The following TENM3 variants were observed in gnomAD, a reference collection of about 807,000 sequenced individuals.
TENM3 encodes teneurin transmembrane protein 3.
A neutral mutation model predicts 255.1 loss-of-function variants in TENM3; 63 were observed. The ratio of observed to expected loss-of-function variants is 0.25; its 90% CI spans 0.20 to 0.30. TENM3 has a LOEUF of 0.30. TENM3 is among the 10% of genes least tolerant of loss of function. The probability of loss-of-function intolerance (pLI) is 1.00; values close to 1 mark genes in which losing one functional copy is unlikely to be tolerated. For missense variants in TENM3, 2,929 were observed against 3,461.1 expected (o/e 0.85, Z 3.86); for synonymous variants, 1,306 against 1,322.3 (o/e 0.99, Z 0.27).
the TENM3 span, among the ~76,000 whole-genome samples, chr4:181,852,313 G>A: frequency 1.2e-4 from 19 of 152,162 alleles, no homozygotes; most frequent in Non-Finnish European, 2.5e-4. Context: ...CTTTTCCTTC[G>A]TTTATTATTC....
intron 3 of TENM3, among the ~76,000 whole-genome samples, chr4:182,416,053 C>G (rs951079244): frequency 6.6e-6 from 1 of 152,116 alleles, no homozygotes; most frequent in Admixed American, 6.6e-5. Flanking sequence ...TAGAAAGCAC[C>G]TGGAGCCTAT....
intron 3 of TENM3, among the ~76,000 whole-genome samples, chr4:182,463,253 GA>G (rs1176768454): frequency 1.0e-4 from 15 of 147,334 alleles, no homozygotes; most frequent in East Asian, 3.9e-4. Flanking sequence ...CAACTTAAAA[GA>G]AAAAAAAAAC....
the TENM3 span, among the ~76,000 whole-genome samples, chr4:181,913,193 T>G: frequency 6.6e-6 from 1 of 152,256 alleles, no homozygotes; most frequent in East Asian, 1.9e-4. Context: ...ATGAGCCATG[T>G]GCACTAACGC....
chr4:181,596,329 C>A, the TENM3 span, among the ~76,000 whole-genome samples: 1 of 152,134 alleles, frequency 6.6e-6, no homozygotes, highest in Non-Finnish European at 1.5e-5. Context: ...CACAAGCTTG[C>A]ACGGTTTGTT....
intron 4 of TENM3, among the ~76,000 whole-genome samples, chr4:182,620,754 G>T (rs1413544761): frequency 5.3e-5 from 8 of 152,096 alleles, no homozygotes. Context: ...TTTGAGACAG[G>T]GTCTTGCTCT....
intron 1 of TENM3, among the ~76,000 whole-genome samples, chr4:182,254,802 A>G (rs1758268424): frequency 6.6e-6 from 1 of 152,308 alleles, no homozygotes; most frequent in South Asian, 2.1e-4. Flanking sequence ...TGAAAACAAT[A>G]CAATCAACAG....
chr4:181,950,334 A>AAAG, the TENM3 span, among the ~76,000 whole-genome samples: 1 of 151,698 alleles, frequency 6.6e-6, no homozygotes, highest in Non-Finnish European at 1.5e-5. Context: ...TTTCGGACTC[A>AAAG]GCCCGCCTGC....
intron 3 of TENM3, among the ~76,000 whole-genome samples, chr4:182,536,928 C>G (rs1483282384): frequency 6.6e-6 from 1 of 151,688 alleles, no homozygotes; most frequent in Non-Finnish European, 1.5e-5. Context: ...CTTTTTTTTC[C>G]CTTGTTTGCT....
intron 5 of TENM3, among the ~76,000 whole-genome samples, chr4:182,640,178 A>G (rs1212200358): frequency 3.3e-5 from 5 of 152,236 alleles, no homozygotes; most frequent in African/African-American, 1.2e-4. Context: ...AATTTCCTTT[A>G]GAAATAAATG....
chr4:181,950,426 A>T, the TENM3 span, among the ~76,000 whole-genome samples: 1 of 152,074 alleles, frequency 6.6e-6, no homozygotes, highest in African/African-American at 2.4e-5. Context: ...GAAACTTTTC[A>T]CTTCCTGTAT....
chr4:181,468,010 A>G, the TENM3 span, among the ~76,000 whole-genome samples: 1 of 151,992 alleles, frequency 6.6e-6, no homozygotes, highest in African/African-American at 2.4e-5. Context: ...AAAATAAGAA[A>G]AAAGGCCTGG....
chr4:182,189,049 T>C (rs1300834042), intron 1 of TENM3, among the ~76,000 whole-genome samples: 1 of 152,166 alleles, frequency 6.6e-6, no homozygotes, highest in Admixed American at 6.5e-5. Context: ...AGTAAATAAG[T>C]AAATGGAAAT....
At position 182,730,269 on chromosome 4, in the gene TENM3, G is replaced by A. The variant is rs750637583; in HGVS notation, c.2655G>A (p.Ser885=). The A allele has an allele frequency of 1.2e-5, 20 of 1,613,766 alleles. No homozygotes were observed. Among genetic ancestry groups the A allele is most frequent in the East Asian group, 2.2e-5 (1 of 44,864 alleles). Reference sequence around the variant, plus strand: ...CTCCACTTATTGGAGTAAATGTCTCGTTTTTCCATTACCCAGAATATGGAT... The same window carrying A: ...CTCCACTTATTGGAGTAAATGTCTCATTTTTCCATTACCCAGAATATGGAT... ...DGTPLIGVNV[S]FFHYPEYGYT... Residue 885 remains serine, a synonymous_variant, in exon 15 of 28, where the codon TCG becomes TCA. Coordinates refer to ENST00000511685, the MANE Select transcript of TENM3 (RefSeq NM_001080477.4).
At chr4:182,471,842 G>A (rs566849376) in intron 3 of TENM3, among the ~76,000 whole-genome samples, 242 of 152,192 alleles carry the variant, frequency 1.6e-3, no homozygotes, top group African/African-American at 5.5e-3. Context: ...GTATTCAGAA[G>A]TCAACTTTTA....
chr4:182,075,449 T>C, the TENM3 span, among the ~76,000 whole-genome samples: 82 of 152,158 alleles, frequency 5.4e-4, no homozygotes, highest in Middle Eastern at 3.4e-3. Context: ...CCACCCGCCT[T>C]GGCCTCCCAA....
At chr4:182,732,860 G>T (rs531525368) in intron 16 of TENM3, among the ~76,000 whole-genome samples, 1 of 152,106 alleles carries the variant, frequency 6.6e-6, no homozygotes, top group African/African-American at 2.4e-5. Context: ...GACTGTATTC[G>T]TAAAGAGGTA....
the TENM3 span, among the ~76,000 whole-genome samples, chr4:181,883,126 C>CTTTTTTTTTTTTTTTTTTTTTTTTTTTTT: frequency 3.2e-4 from 34 of 106,720 alleles, no homozygotes; most frequent in East Asian, 9.0e-4. Flanking sequence ...TGCAATTAAT[C>CTTTTTTTTTTTTTTTTTTTTTTTTTTTTT]TTTTTTTTTT....
In TENM3 at chr4:182,480,360, T is replaced by C. The variant is rs559249254; in HGVS notation, c.512-120564T>C. 1.1e-4 allele frequency among the ~76,000 whole-genome samples: 17 copies of C among 152,188 alleles called. No individual in the cohort carries two copies. In the South Asian group the frequency reaches 3.5e-3, roughly 32 times the overall value. ...CTTTCAAACTGAAGCCTTTTGCAAA[T>C]ATAGCTGCTGGAGGCTCTTGGTATC... On this transcript the variant is annotated intron_variant, in intron 3 of 27. Coordinates refer to ENST00000511685, the MANE Select transcript of TENM3 (RefSeq NM_001080477.4).
intron 3 of TENM3, among the ~76,000 whole-genome samples, chr4:182,479,665 T>C (rs1734007358): frequency 6.6e-6 from 1 of 151,814 alleles, no homozygotes; most frequent in Non-Finnish European, 1.5e-5. Flanking sequence ...GAAAATACTA[T>C]TTTTACAGTA....
Sources: allele counts gnomAD v4.1 joint callset (sites outside exome capture counted in the v4.1 genomes callset), GRCh38; gene constraint gnomAD v4.1.1; transcripts MANE v1.5; gene names NCBI Gene and HGNC (gene_info 2026-07-23, HGNC 2026-07-21).